Variants in COL6A5 observed in about 807,000 individuals in gnomAD.
The protein encoded by COL6A5 is collagen alpha-5(VI) chain.
A neutral mutation model predicts 65.6 loss-of-function variants in COL6A5; 48 were observed. That is an observed-to-expected ratio of 0.73 (90% CI 0.58 to 0.93). COL6A5 has a LOEUF of 0.93. Among genes scored for constraint, COL6A5 ranks in the 40% least tolerant of loss-of-function variants. The probability of loss-of-function intolerance (pLI) is 0.00; values close to 1 mark genes in which losing one functional copy is unlikely to be tolerated. For missense variants in COL6A5, 914 were observed against 928.3 expected (o/e 0.98, Z 0.20); for synonymous variants, 291 against 322.8 (o/e 0.90, Z 1.05).
intron 4 of COL6A5, among the ~76,000 whole-genome samples, chr3:130,384,265 G>C (rs1484416296): frequency 1.3e-5 from 2 of 152,046 alleles, no homozygotes; most frequent in African/African-American, 4.8e-5. Flanking sequence ...GCTGGAAATA[G>C]AGTCAGAGAG....
chr3:130,460,964 G>A (rs974329855), intron 5 of COL6A5, among the ~76,000 whole-genome samples: 1 of 151,940 alleles, frequency 6.6e-6, no homozygotes, highest in Non-Finnish European at 1.5e-5. Context: ...GTGACGGCAA[G>A]TTGGTTGGAT....
At chr3:130,442,070 G>T (rs1460932978) in intron 3 of COL6A5, among the ~76,000 whole-genome samples, 1 of 152,064 alleles carries the variant, frequency 6.6e-6, no homozygotes, top group African/African-American at 2.4e-5. Context: ...TTCAATTAAA[G>T]AATCCAATAA....
chr3:130,426,348 C>T lies in COL6A5; in HGVS notation c.5200-19C>T. 6.4e-7 allele frequency: 1 copy of T among 1,551,350 alleles called. No individual in the cohort carries two copies. Among genetic ancestry groups the T allele is most frequent in the Non-Finnish European group, 8.7e-7 (1 of 1,146,738 alleles). On this transcript the variant is annotated intron_variant and NMD_transcript_variant, in intron 30 of 41. Transcript: ENST00000312481. ...CTGTACTTGCATTTCTTTTCTCTCTCCTTTTTCAACATTTACAGCAATGTG... is the reference window on the plus strand; with the variant it reads ...CTGTACTTGCATTTCTTTTCTCTCTTCTTTTTCAACATTTACAGCAATGTG...
chr3:130,408,970 A>G (rs1937089601), intron 17 of COL6A5, among the ~76,000 whole-genome samples: 1 of 152,188 alleles, frequency 6.6e-6, no homozygotes, highest in South Asian at 2.1e-4. Flanking sequence ...TAATTAAGAA[A>G]TTCTGCTCTT....
exon 4 of COL6A5, chr3:130,379,847 T>C: frequency 6.4e-7 from 1 of 1,551,374 alleles, no homozygotes; most frequent in Non-Finnish European, 8.7e-7. Flanking sequence ...CTGGAGGATG[T>C]AAACGTGTTT....
At position 130,391,761 on chromosome 3, in the gene COL6A5, TGTTACTTTTAAA is replaced by T. The variant is rs1295368610; in HGVS notation, c.2992+11_2992+22del. On this transcript the variant is annotated splice_region_variant and intron_variant and NMD_transcript_variant, in intron 7 of 41. Coordinates refer to the COL6A5 transcript ENST00000312481. The stretch of plus-strand genomic sequence containing the variant: ...TGTACTGAAGCACCAGAGGGTAAGT[TGTTACTTTTAAA>T]GTTTCTATGGGGGTAGCAATAAAAG... 45 of 1,534,280 alleles carry T rather than the reference TGTTACTTTTAAA, an allele frequency of 2.9e-5. No homozygotes were observed. Among genetic ancestry groups the T allele is most frequent in the Non-Finnish European group, 3.7e-5 (42 of 1,139,298 alleles).
At chr3:130,479,352 A>C (rs1710178791) in intron 7 of COL6A5, among the ~76,000 whole-genome samples, 1 of 152,100 alleles carries the variant, frequency 6.6e-6, no homozygotes, top group Non-Finnish European at 1.5e-5. Context: ...TAAGCCACCC[A>C]GTTTATGGTA....
At chr3:130,357,035 A>C (rs1178998055) in intron 1 of COL6A5, among the ~76,000 whole-genome samples, 1 of 152,228 alleles carries the variant, frequency 6.6e-6, no homozygotes, top group Non-Finnish European at 1.5e-5. Context: ...TTGATTAGTA[A>C]ATGAAAAATG....
At chr3:130,379,436 G>T in exon 4 of COL6A5, 1 of 1,550,944 alleles carries the variant, frequency 6.4e-7, no homozygotes, top group Admixed American at 2.0e-5. Flanking sequence ...CCCATATCCT[G>T]TCAGAAAGAT....
upstream of COL6A5, among the ~76,000 whole-genome samples, chr3:130,426,745 C>G (rs994251733): frequency 1.3e-5 from 2 of 151,358 alleles, no homozygotes; most frequent in Non-Finnish European, 2.9e-5. Flanking sequence ...AAGGGATGAT[C>G]ATGGGGGTTT....
In COL6A5 at chr3:130,375,205, A is replaced by G. The variant is rs374300998; in HGVS notation, c.68-1032A>G. ...TGGCAACAGCTCATGGCTGTGCCCC[A>G]TTTTCTCAGGGGAACTGTTCTCAGT... On this transcript the variant is annotated intron_variant and NMD_transcript_variant, in intron 2 of 41. Coordinates refer to the COL6A5 transcript ENST00000312481. Among the ~76,000 whole-genome samples, 26 of 152,130 alleles carry G rather than the reference A, an allele frequency of 1.7e-4. No homozygotes were observed. In the East Asian group the frequency reaches 4.7e-3, roughly 27 times the overall value.
exon 6 of COL6A5, chr3:130,469,176 A>G: frequency 6.2e-7 from 1 of 1,613,260 alleles, no homozygotes; most frequent in Non-Finnish European, 8.5e-7. Flanking sequence ...CATGCCTTGC[A>G]GTGGACAATT....
chr3:130,471,967 T>C (rs955936309), intron 7 of COL6A5, 41 bp downstream of exon 40: 2 of 1,503,826 alleles, frequency 1.3e-6, no homozygotes, highest in Non-Finnish European at 1.8e-6. Flanking sequence ...CTCAAGTACC[T>C]TTGTTTGGAT....
At chr3:130,475,007 C>CAAAAAAAAAAAAAAAAAAAAAAA (rs57263258) in intron 7 of COL6A5, among the ~76,000 whole-genome samples, 1 of 65,052 alleles carries the variant, frequency 1.5e-5, no homozygotes, top group African/African-American at 7.2e-5. Context: ...ACCATGTCTC[C>CAAAAAAAAAAAAAAAAAAAAAAA]AAAAAAAAAA....
chr3:130,411,771 AG>A (rs79965612), intron 20 of COL6A5, among the ~76,000 whole-genome samples: 4,893 of 152,302 alleles, frequency 0.032, 99 homozygotes, highest in South Asian at 0.083. Context: ...GGAGTGGTAT[AG>A]GCAATAAATC....
At chr3:130,451,620 C>T (rs550270976) in intron 4 of COL6A5, among the ~76,000 whole-genome samples, 3 of 152,126 alleles carry the variant, frequency 2.0e-5, no homozygotes, top group African/African-American at 7.2e-5. Flanking sequence ...ATATATGATC[C>T]TGGGCTGTGT....
Position 130,426,423 on chromosome 3 carries a change from C to G in COL6A5, c.5236+20C>G. The G allele has an allele frequency of 6.4e-7, 1 of 1,550,622 alleles. No homozygotes were observed. The highest frequency in any genetic ancestry group is 8.7e-7 in the Non-Finnish European group (1 of 1,146,180). ...ATAGTCGTGAGTATCTGTTACGGAA[C>G]AAGAGCATCCATCAATGGTTGGTGA... On this transcript the variant is annotated intron_variant and NMD_transcript_variant, in intron 31 of 41. Coordinates refer to the COL6A5 transcript ENST00000312481.
intron 14 of COL6A5, 63 bp from the exon 15 acceptor site, chr3:130,405,930 G>A (rs1936972965): frequency 1.4e-6 from 2 of 1,459,020 alleles, no homozygotes; most frequent in Non-Finnish European, 1.9e-6. Context: ...ACTTTAGAGA[G>A]GCAGTCTTTG....
At chr3:130,373,872 C>T (rs1302436879) in intron 2 of COL6A5, among the ~76,000 whole-genome samples, 167 bp downstream of exon 2, 1 of 152,138 alleles carries the variant, frequency 6.6e-6, no homozygotes. Flanking sequence ...CAGCACAAAG[C>T]CATGAGCAAA....
Sources: gnomAD v4.1 joint callset for allele counts (sites outside exome capture counted in the v4.1 genomes callset) on GRCh38, gnomAD v4.1.1 for gene constraint, MANE v1.5 for transcripts, NCBI Gene and HGNC (gene_info 2026-07-23, HGNC 2026-07-21) for gene names.